Variants in AGBL4 observed in about 807,000 individuals in gnomAD.
AGBL4 encodes the protein cytosolic carboxypeptidase 6.
Under a neutral mutation model 66.4 loss-of-function variants are expected in AGBL4, and 58 were observed. That is an observed-to-expected ratio of 0.87 (90% confidence interval 0.71 to 1.09). The LOEUF is 1.09. Among genes scored for constraint, AGBL4 ranks in the 50% least tolerant of loss-of-function variants. The probability of loss-of-function intolerance (pLI) is 0.00; values close to 1 mark genes in which losing one functional copy is unlikely to be tolerated. For missense variants in AGBL4, 579 were observed against 631.0 expected (o/e 0.92, Z 0.88); for synonymous variants, 234 against 222.9 (o/e 1.05, Z -0.44).
intron 1 of AGBL4, chr1:49,994,944 G>A (rs867407239): frequency 3.4e-5 from 12 of 356,178 alleles, no homozygotes; most frequent in South Asian, 1.1e-4. Context: ...AGAGATGAGC[G>A]AAATATAGGA....
At chr1:49,872,922 G>C (rs191395199) in intron 1 of AGBL4, among the ~76,000 whole-genome samples, 2 of 151,878 alleles carry the variant, frequency 1.3e-5, no homozygotes, top group East Asian at 1.9e-4. Context: ...AATTTGAAAT[G>C]AATTCTAAAA....
At chr1:49,294,705 T>C (rs995250386) in intron 3 of AGBL4, among the ~76,000 whole-genome samples, 1 of 152,182 alleles carries the variant, frequency 6.6e-6, no homozygotes. Flanking sequence ...AGCCCCAACA[T>C]AGCTCTAGAA....
At chr1:49,303,875 A>G (rs1203597937) in intron 3 of AGBL4, among the ~76,000 whole-genome samples, 1 of 152,028 alleles carries the variant, frequency 6.6e-6, no homozygotes, top group African/African-American at 2.4e-5. Flanking sequence ...AGATTCTGGG[A>G]ATTAGGCCTT....
chr1:49,908,381 A>G (rs970241326), intron 1 of AGBL4, among the ~76,000 whole-genome samples: 1 of 152,126 alleles, frequency 6.6e-6, no homozygotes, highest in African/African-American at 2.4e-5. Context: ...TGTCTTCACA[A>G]TAGTGAGTGA....
intron 3 of AGBL4, among the ~76,000 whole-genome samples, chr1:49,500,846 C>A (rs533032104): frequency 8.5e-6 from 1 of 118,154 alleles, no homozygotes; most frequent in African/African-American, 3.5e-5. Context: ...GCTTAGTCTT[C>A]CTTTGGAAAA....
intron 6 of AGBL4, among the ~76,000 whole-genome samples, chr1:48,763,796 G>A (rs141451215): frequency 4.6e-5 from 7 of 152,328 alleles, no homozygotes; most frequent in African/African-American, 1.4e-4. Context: ...AAATGCAGAT[G>A]AGAAAAACAA....
chr1:50,002,905 A>C (rs1035428528), intron 1 of AGBL4, among the ~76,000 whole-genome samples: 2 of 152,336 alleles, frequency 1.3e-5, no homozygotes, highest in African/African-American at 2.4e-5. Flanking sequence ...AAAATCACAA[A>C]AAAGTAAAGT....
intron 1 of AGBL4, among the ~76,000 whole-genome samples, chr1:49,983,864 T>G (rs1659285668): frequency 6.6e-6 from 1 of 152,242 alleles, no homozygotes. Context: ...ATGGGCTCCC[T>G]GTGGCCCAGG....
chr1:48,972,822 G>C (rs1243500773), intron 5 of AGBL4, among the ~76,000 whole-genome samples: 1 of 152,106 alleles, frequency 6.6e-6, no homozygotes, highest in Non-Finnish European at 1.5e-5. Context: ...ATTCTAGATT[G>C]GAAAGAAAAG....
chr1:49,847,020 T>G (rs1038840640), intron 2 of AGBL4, among the ~76,000 whole-genome samples: 3 of 152,340 alleles, frequency 2.0e-5, no homozygotes, highest in Middle Eastern at 3.4e-3. Flanking sequence ...TTATCTGGCA[T>G]CAAATTACAC....
At chr1:49,435,874 G>A (rs903900547) in intron 3 of AGBL4, among the ~76,000 whole-genome samples, 3 of 152,160 alleles carry the variant, frequency 2.0e-5, no homozygotes, top group Admixed American at 1.3e-4. Context: ...AGTAAGTAGG[G>A]AGCTGAGATG....
At chr1:48,999,675 C>G (rs996649165) in intron 5 of AGBL4, among the ~76,000 whole-genome samples, 1 of 152,106 alleles carries the variant, frequency 6.6e-6, no homozygotes, top group Admixed American at 6.5e-5. Flanking sequence ...CACTGGGTCT[C>G]TACAATTGGG....
Position 49,344,434 on chromosome 1 carries a change from A to G in AGBL4, c.283-98570T>C, listed in dbSNP as rs183450791. Among the ~76,000 whole-genome samples the G allele has an allele frequency of 2.0e-3, 300 of 152,328 alleles. 2 individuals are homozygous for G. The highest frequency in any genetic ancestry group is 0.01 in the South Asian group (49 of 4,834). On this transcript the variant is annotated intron_variant, in intron 3 of 13. Coordinates refer to ENST00000371839, the MANE Select transcript of AGBL4 (RefSeq NM_032785.4). ...GAAAAATGTGGTTTTTGCCTAGTGC[A>G]CAGGCTTAAAGGATTGTTTTAAGTG...
intron 1 of AGBL4, among the ~76,000 whole-genome samples, chr1:49,928,917 G>C (rs1012837918): frequency 6.6e-6 from 1 of 151,860 alleles, no homozygotes; most frequent in Non-Finnish European, 1.5e-5. Flanking sequence ...AATCAAACCA[G>C]CTGACCATCA....
chr1:49,570,941 C>T (rs1644314063), intron 3 of AGBL4, among the ~76,000 whole-genome samples: 3 of 152,002 alleles, frequency 2.0e-5, no homozygotes, highest in African/African-American at 7.2e-5. Flanking sequence ...TTTCATTGAT[C>T]TATGTGTCTG....
intron 5 of AGBL4, among the ~76,000 whole-genome samples, chr1:48,958,404 G>A (rs1055290425): frequency 6.6e-6 from 1 of 152,152 alleles, no homozygotes; most frequent in Non-Finnish European, 1.5e-5. Context: ...GCTTAAGAAG[G>A]GACTACATTG....
chr1:48,776,534 CGGG>C, intron 6 of AGBL4: 9 of 1,160,136 alleles, frequency 7.8e-6, no homozygotes, highest in African/African-American at 1.6e-5. Context: ...CCCCTCCGCC[CGGG>C]CCCCCGGCCC....
intron 6 of AGBL4, among the ~76,000 whole-genome samples, chr1:48,865,427 G>A (rs991408896): frequency 1.3e-5 from 2 of 152,124 alleles, no homozygotes; most frequent in African/African-American, 2.4e-5. Flanking sequence ...TATCACACAA[G>A]TATAGCCCAT....
At chr1:49,933,013 AGG>A (rs1247809409) in intron 1 of AGBL4, among the ~76,000 whole-genome samples, 6 of 152,172 alleles carry the variant, frequency 3.9e-5, no homozygotes, top group Admixed American at 3.9e-4. Flanking sequence ...AAGGAAGAAT[AGG>A]GTTCAAATAC....
Sources: gnomAD v4.1 joint callset for allele counts (sites outside exome capture counted in the v4.1 genomes callset) on GRCh38, gnomAD v4.1.1 for gene constraint, MANE v1.5 for transcripts, NCBI Gene and HGNC (gene_info 2026-07-23, HGNC 2026-07-21) for gene names.